Variants in BCAS3 observed in about 807,000 individuals in gnomAD.
The protein encoded by BCAS3 is BCAS3 microtubule associated cell migration factor, also known as BCAS4/BCAS3 fusion.
BCAS3 carries 53 observed loss-of-function variants against 116.1 expected under a neutral mutation model. The ratio of observed to expected loss-of-function variants is 0.46; its 90% CI spans 0.37 to 0.57. BCAS3 has a LOEUF of 0.57. Ranked by LOEUF, BCAS3 falls within the 20% of genes least tolerant of loss-of-function variation. The probability of loss-of-function intolerance (pLI) is 0.00; values close to 1 mark genes in which losing one functional copy is unlikely to be tolerated. For missense variants in BCAS3, 917 were observed against 1,165.4 expected (o/e 0.79, Z 3.10); for synonymous variants, 391 against 408.2 (o/e 0.96, Z 0.51).
rs1465636352 is a variant in BCAS3, at chr17:61,348,525, A to G, written c.2426-19802A>G. Among the ~76,000 whole-genome samples the G allele has an allele frequency of 2.0e-5, 3 of 152,138 alleles. No individual in the cohort carries two copies. The highest frequency in any genetic ancestry group is 4.4e-5 in the Non-Finnish European group (3 of 68,012). ...AGAAGAGAAGAGGACTGAGGGCACC[A>G]AAATTTGAGTTGCAGAGAGAATAAA... is the stretch of plus-strand genomic sequence containing the variant. On this transcript the variant is annotated intron_variant, in intron 22 of 23. Coordinates refer to ENST00000407086, the MANE Select transcript of BCAS3 (RefSeq NM_017679.5). The surrounding 1 kb of genome is among the most constrained non-coding windows in gnomAD (Gnocchi z 4.5).
chr17:60,695,056 G>C (rs902988443), intron 4 of BCAS3, among the ~76,000 whole-genome samples: 3 of 151,596 alleles, frequency 2.0e-5, no homozygotes, highest in Admixed American at 2.0e-4. Context: ...TCATGTTGTA[G>C]CATGTGTCAG....
chr17:60,690,943 A>C (rs2143859611), intron 4 of BCAS3, among the ~76,000 whole-genome samples: 1 of 151,440 alleles, frequency 6.6e-6, no homozygotes, highest in Admixed American at 6.6e-5. Context: ...CAAAAACAAA[A>C]ACAAAACAAA....
rs986490876 is a variant in BCAS3 at position 61,239,584 on chromosome 17, C to A, written c.2426-128743C>A. 1.3e-5 allele frequency among the ~76,000 whole-genome samples: 2 copies of A among 152,178 alleles called. No individual in the cohort carries two copies. ...ATATAAAAAGAGAACTTCATTTACT[C>A]TGAGTGATCATGTTTCAATGTGTTA... On this transcript the variant is annotated intron_variant, in intron 22 of 23. Coordinates refer to ENST00000407086, the MANE Select transcript of BCAS3 (RefSeq NM_017679.5). The surrounding 1 kb of genome is among the most constrained non-coding windows in gnomAD (Gnocchi z 4.2).
chr17:61,177,838 G>C lies in BCAS3; in HGVS notation c.2425+93274G>C, dbSNP rs141783737. On this transcript the variant is annotated intron_variant, in intron 22 of 23. Transcript: ENST00000407086. ...AGGTCTTTTAAGTGGAAGTTACATAGTGTCTATCTGTTGCACCTGACTTGT... is the reference window on the plus strand; with the variant it reads ...AGGTCTTTTAAGTGGAAGTTACATACTGTCTATCTGTTGCACCTGACTTGT... 2.3e-3 allele frequency among the ~76,000 whole-genome samples: 356 copies of C among 152,272 alleles called. 1 individual carries two copies. The highest frequency in any genetic ancestry group is 8.4e-3 in the African/African-American group (348 of 41,550).
At chr17:60,683,387 C>T (rs1327394651) in intron 2 of BCAS3, among the ~76,000 whole-genome samples, 1 of 150,958 alleles carries the variant, frequency 6.6e-6, no homozygotes, top group East Asian at 2.0e-4. Context: ...GAGAGCATGA[C>T]TTTTAAAAAG....
Position 61,285,557 on chromosome 17 carries a change from A to G in BCAS3, c.2426-82770A>G, listed in dbSNP as rs1014306240. 2.0e-5 allele frequency among the ~76,000 whole-genome samples: 3 copies of G among 152,214 alleles called. No homozygotes were observed. Among genetic ancestry groups the G allele is most frequent in the African/African-American group, 7.2e-5 (3 of 41,454 alleles). ...TTAAGCAGAATTAAGGTCTGGGCTCAAAACTGTCTTGAGCTGTGCTAGGCA... is the reference window on the plus strand; with the variant it reads ...TTAAGCAGAATTAAGGTCTGGGCTCGAAACTGTCTTGAGCTGTGCTAGGCA... On this transcript the variant is annotated intron_variant, in intron 22 of 23. Transcript: ENST00000407086. This position sits in a 1 kb window ranked among gnomAD's most constrained non-coding sequence, Gnocchi z 5.4.
rs151121462 is a variant in BCAS3, at chr17:60,786,255, G to A, written c.404-21749G>A. On this transcript the variant is annotated intron_variant, in intron 6 of 23. Transcript: ENST00000407086. The stretch of plus-strand genomic sequence containing the variant: ...GAGCCCGGATAGTTCAGTTGGTAGA[G>A]CATCAGACTTAATCAGAGGGTCCAG... 1.3e-3 allele frequency among the ~76,000 whole-genome samples: 199 copies of A among 152,224 alleles called. 1 individual carries two copies. The highest frequency in any genetic ancestry group is 1.9e-3 in the Non-Finnish European group (129 of 68,006).
intron 7 of BCAS3, among the ~76,000 whole-genome samples, chr17:60,862,722 A>T (rs1341862767): frequency 2.0e-5 from 3 of 152,120 alleles, no homozygotes; most frequent in Non-Finnish European, 4.4e-5. Context: ...TATGATCAGA[A>T]CTCACTGCAT....
chr17:61,312,748 G>T (rs879318644), intron 22 of BCAS3, among the ~76,000 whole-genome samples: 7 of 152,124 alleles, frequency 4.6e-5, no homozygotes, highest in Admixed American at 3.9e-4. Flanking sequence ...TTTCTGCAGG[G>T]CCTCCTACCA....
intron 5 of BCAS3, among the ~76,000 whole-genome samples, chr17:60,711,978 A>T (rs2144028064): frequency 6.6e-6 from 1 of 152,118 alleles, no homozygotes; most frequent in South Asian, 2.1e-4. Flanking sequence ...CCTGACCAAC[A>T]TGGTGAAACC....
At chr17:60,796,072 A>G (rs1001797008) in intron 6 of BCAS3, among the ~76,000 whole-genome samples, 2 of 152,218 alleles carry the variant, frequency 1.3e-5, no homozygotes, top group Non-Finnish European at 2.9e-5. Flanking sequence ...CATCCCTGAT[A>G]TGAAACCCAC....
chr17:60,997,142 T>G (rs1221065339), intron 15 of BCAS3, among the ~76,000 whole-genome samples: 1 of 152,144 alleles, frequency 6.6e-6, no homozygotes, highest in African/African-American at 2.4e-5. Context: ...GGGTCTGTGC[T>G]CTGATGAGAA....
At position 61,302,079 on chromosome 17, in the gene BCAS3, A is replaced by C. The variant is rs2053492461; in HGVS notation, c.2426-66248A>C. On this transcript the variant is annotated intron_variant, in intron 22 of 23. Transcript: ENST00000407086. The surrounding 1 kb of genome is among the most constrained non-coding windows in gnomAD (Gnocchi z 4.4). The stretch of plus-strand genomic sequence containing the variant: ...AAGGCTAGTTCTGTCAGCTAGTCCT[A>C]AGAAAAAGTTGAGATTCTCTACACA... Among the ~76,000 whole-genome samples the C allele has an allele frequency of 1.3e-5, 2 of 152,102 alleles. No homozygotes were observed. Among genetic ancestry groups the C allele is most frequent in the African/African-American group, 4.8e-5 (2 of 41,412 alleles).
chr17:60,974,387 A>T (rs1416064653), intron 14 of BCAS3, among the ~76,000 whole-genome samples: 1 of 152,194 alleles, frequency 6.6e-6, no homozygotes, highest in Admixed American at 6.5e-5. Flanking sequence ...TAAAATGTTG[A>T]ACATAGATGA....
intron 4 of BCAS3, among the ~76,000 whole-genome samples, chr17:60,705,742 A>G (rs903735205): frequency 1.3e-5 from 2 of 152,164 alleles, no homozygotes; most frequent in African/African-American, 4.8e-5. Context: ...CTGATGTTAG[A>G]CAGTCTGCCA....
Position 61,097,820 on chromosome 17 carries a change from G to T in BCAS3, c.2425+13256G>T, listed in dbSNP as rs180942535. On this transcript the variant is annotated intron_variant, in intron 22 of 23. Coordinates refer to ENST00000407086, the MANE Select transcript of BCAS3 (RefSeq NM_017679.5). The surrounding 1 kb of genome is among the most constrained non-coding windows in gnomAD (Gnocchi z 4.0). ...CCTGATACTTAAAATTACTTAAAGT[G>T]CATTATGGTGACACCTCAGATAAGT... Among the ~76,000 whole-genome samples, 1 of 152,322 alleles carries T rather than the reference G, an allele frequency of 6.6e-6. No individual in the cohort carries two copies. Among genetic ancestry groups the T allele is most frequent in the African/African-American group, 2.4e-5 (1 of 41,566 alleles).
At chr17:60,973,083 T>C (rs2062065034) in intron 14 of BCAS3, among the ~76,000 whole-genome samples, 1 of 152,198 alleles carries the variant, frequency 6.6e-6, no homozygotes, top group Non-Finnish European at 1.5e-5. Context: ...ACAATGGTTT[T>C]TTAAAATCAG....
intron 6 of BCAS3, among the ~76,000 whole-genome samples, chr17:60,773,796 C>T (rs1441368741): frequency 2.6e-5 from 4 of 152,066 alleles, no homozygotes; most frequent in African/African-American, 7.2e-5. Flanking sequence ...CACAGGCGCA[C>T]GCCACCATGC....
In BCAS3 at chr17:61,115,866, A is replaced by T. The variant is rs1480907067; in HGVS notation, c.2425+31302A>T. 4.6e-5 allele frequency among the ~76,000 whole-genome samples: 7 copies of T among 151,882 alleles called. No homozygotes were observed. In the South Asian group the frequency reaches 6.3e-4, roughly 14 times the overall value. Reference sequence around the variant, plus strand: ...CAAATGTCCAACAATGATAGACCGGATTAAGAAAATGTGGCACATATACAC... The same window carrying T: ...CAAATGTCCAACAATGATAGACCGGTTTAAGAAAATGTGGCACATATACAC... On this transcript the variant is annotated intron_variant, in intron 22 of 23. Transcript: ENST00000407086.
Sources: gnomAD v4.1 joint callset for allele counts (sites outside exome capture counted in the v4.1 genomes callset) on GRCh38, gnomAD v4.1.1 for gene constraint, Gnocchi (gnomAD v3.1) non-coding constraint, MANE v1.5 for transcripts, NCBI Gene and HGNC (gene_info 2026-07-23, HGNC 2026-07-21) for gene names.